WDR87: variants seen among roughly 807,000 people sequenced by gnomAD.
WDR87 encodes WD repeat-containing protein 87.
In WDR87, 56 loss-of-function variants were observed where a neutral mutation model predicts 83.3. That is an observed-to-expected ratio of 0.67 (90% CI 0.54 to 0.84). The LOEUF (loss-of-function observed/expected upper bound fraction) is 0.84, where lower values mean the gene tolerates loss of function less well. WDR87 is among the 40% of genes least tolerant of loss of function. The probability of loss-of-function intolerance (pLI) is 0.00; values close to 1 mark genes in which losing one functional copy is unlikely to be tolerated. For missense variants in WDR87, 2,939 were observed against 3,431.9 expected, an observed-to-expected ratio of 0.86 and a Z score of 3.59; for synonymous variants, 1,173 against 1,250.6, an observed-to-expected ratio of 0.94 and a Z score of 1.31.
chr19:37,887,364 C>T lies in WDR87; in HGVS notation c.6307G>A (p.Glu2103Lys), dbSNP rs2046158373. ...KASRKLIKKR[E>K]SLSKEPAKLN... ...TTTGCTGGTTCCTTGGAAAGGCTCT[C>T]CCTTTTTTTAATCAACTTCCTTGAA... Residue 2103 changes from glutamate to lysine, a missense_variant, in exon 6 of 6, where the codon GAG becomes AAG. Glu to Lys is a moderately conservative substitution (Grantham distance 56). Coordinates refer to ENST00000447313, the MANE Select transcript of WDR87 (RefSeq NM_001291088.2). 6.4e-7 allele frequency: 1 copy of T among 1,551,644 alleles called. No individual in the cohort carries two copies.
At position 37,888,703 on chromosome 19, in the gene WDR87, G is replaced by T; in HGVS notation, c.4968C>A (p.Ala1656=). ...RQLAQEERKL[A]QAYVKITQDD... is the part of the protein sequence containing the mutation. ...CCTGGGTTATTTTCACGTATGCCTG[G>T]GCCAGTTTTCTCTCTTCCTGGGCCA... Residue 1656 remains alanine (A), a synonymous_variant, in exon 6 of 6, where the codon GCC becomes GCA. Transcript: ENST00000447313. 6.4e-7 allele frequency: 1 copy of T among 1,551,516 alleles called. No individual in the cohort carries two copies. Among genetic ancestry groups the T allele is most frequent in the South Asian group, 1.2e-5 (1 of 83,978 alleles).
intron 4 of WDR87, among the ~76,000 whole-genome samples, 159 bp from the exon 5 acceptor site, chr19:37,891,979 C>G (rs550333922): frequency 6.6e-6 from 1 of 152,080 alleles, no homozygotes; most frequent in Non-Finnish European, 1.5e-5. Context: ...AAGAAACTAT[C>G]TAGGAAGCCA....
At chr19:37,903,781 C>T (rs190407548) in intron 1 of WDR87, among the ~76,000 whole-genome samples, 17 of 152,314 alleles carry the variant, frequency 1.1e-4, no homozygotes, top group African/African-American at 3.8e-4. Flanking sequence ...CCACTTGCCT[C>T]AGCCTCCCAA....
In WDR87 at chr19:37,892,629, C is replaced by T. The variant is rs2046215508; in HGVS notation, c.3074G>A (p.Arg1025Lys). 7 of 1,544,820 alleles carry T rather than the reference C, an allele frequency of 4.5e-6. No homozygotes were observed. The highest frequency in any genetic ancestry group is 6.1e-6 in the Non-Finnish European group (7 of 1,141,700). ...SLMAEIGIHS[R>K]TSLLQLTQKQ... ...TTGGGTCAGCTGTAAGAGTGAGGTC[C>T]TAGAGTGGATTCCAATCTCAGCCAT... Residue 1025 changes from arginine to lysine, a missense_variant, in exon 4 of 6, where the codon AGG (arginine) becomes AAG (lysine). By Grantham distance (26) the Arg-to-Lys change is conservative (BLOSUM62 2). Around this residue, in one of 3 missense-constraint regions of WDR87, gnomAD observed 2,160 missense variants for 2,533.1 expected, o/e 0.85. Transcript: ENST00000447313.
intron 2 of WDR87, 37 bp from the exon 3 acceptor site, chr19:37,896,345 C>T (rs372476888): frequency 4.2e-5 from 65 of 1,540,470 alleles, no homozygotes; most frequent in Non-Finnish European, 7.9e-6. Context: ...GAGGCCAGGG[C>T]ACAGAGGCAC....
At chr19:37,904,349 T>C (rs1470209665) in intron 1 of WDR87, among the ~76,000 whole-genome samples, 1 of 150,886 alleles carries the variant, frequency 6.6e-6, no homozygotes, top group African/African-American at 2.4e-5. Context: ...CTTTCTTTTG[T>C]GTGTGTGTGT....
intron 3 of WDR87, 100 bp from the exon 4 acceptor site, chr19:37,895,556 T>G: frequency 2.7e-6 from 3 of 1,102,606 alleles, no homozygotes; most frequent in Non-Finnish European, 3.8e-6. Context: ...TCACCTGAGG[T>G]CAGGAGTTCG....
chr19:37,890,941 CA>C (rs1374377124), intron 5 of WDR87, among the ~76,000 whole-genome samples: 1 of 152,118 alleles, frequency 6.6e-6, no homozygotes, highest in Non-Finnish European at 1.5e-5. Context: ...CTTATCTATA[CA>C]TTTTTTTAAA....
rs1021560529 is a variant in WDR87 at position 37,891,807 on chromosome 19, C to T, written c.3139G>A (p.Gly1047Arg). The T allele has an allele frequency of 1.6e-5, 25 of 1,551,804 alleles. No homozygotes were observed. The highest frequency in any genetic ancestry group is 7.8e-5 in the Admixed American group (4 of 50,960). ...AGTAGATGGTCCAGGGGTTCCTCCC[C>T]GATCATCTGCTGCCTATGAAAGTCA... is the stretch of plus-strand genomic sequence containing the variant. ...TFREMQQQMI[G>R]EEPLDHLLGM... The change falls in exon 5 of 6, where the codon GGG becomes AGG. Residue 1047 changes from glycine to arginine, a missense_variant. Transcript: ENST00000447313.
rs1200494071 is a variant in WDR87 at position 37,892,680 on chromosome 19, C to G, written c.3023G>C (p.Arg1008Thr). ...GAGGCTTAGGGTCTTGATCCTCACT[C>G]TTTCATCCTTGTCCATTAATCCTTG... ...LAQGLMDKDE[R>T]VRIKTLSLMA... The change falls in exon 4 of 6, where the codon AGA becomes ACA. Residue 1008 changes from arginine (R) to threonine (T), a missense_variant. Arg to Thr is a moderately conservative substitution (Grantham distance 71, BLOSUM62 -1). Coordinates refer to ENST00000447313, the MANE Select transcript of WDR87 (RefSeq NM_001291088.2). The G allele has an allele frequency of 2.4e-5, 37 of 1,551,850 alleles. No homozygotes were observed. The highest frequency in any genetic ancestry group is 2.7e-5 in the Non-Finnish European group (31 of 1,147,018).
At chr19:37,901,490 C>G (rs62112273) in intron 1 of WDR87, among the ~76,000 whole-genome samples, 8,259 of 152,124 alleles carry the variant, frequency 0.054, 258 homozygotes, top group East Asian at 0.11. Flanking sequence ...AGAGTTACCC[C>G]ACTGGCCCCT....
rs1003341073 is a variant in WDR87 at position 37,885,842 on chromosome 19, T to C, written c.7829A>G (p.Glu2610Gly). Residue 2610 changes from glutamate (E) to glycine (G), a missense_variant, in exon 6 of 6, where the codon GAA (glutamate) becomes GGA (glycine). Coordinates refer to ENST00000447313, the MANE Select transcript of WDR87 (RefSeq NM_001291088.2). Reference sequence around the variant, plus strand: ...CTGTCTGTGACGGTACACAATGGCTTCATGTTTGGCCAGATGCAGCCATTC... The same window carrying C: ...CTGTCTGTGACGGTACACAATGGCTCCATGTTTGGCCAGATGCAGCCATTC... ...NLEWLHLAKHEAIVYRHRQAL... is the reference protein window; with the variant it reads ...NLEWLHLAKHGAIVYRHRQAL... The C allele has an allele frequency of 1.5e-5, 23 of 1,551,820 alleles. No individual in the cohort carries two copies. The highest frequency in any genetic ancestry group is 2.0e-5 in the Non-Finnish European group (23 of 1,147,056).
chr19:37,896,760 A>G (rs1236470323), intron 2 of WDR87, among the ~76,000 whole-genome samples: 1 of 152,180 alleles, frequency 6.6e-6, no homozygotes, highest in Non-Finnish European at 1.5e-5. Context: ...CTGGGACTAC[A>G]GGCACATGCC....
At position 37,887,209 on chromosome 19, in the gene WDR87, C is replaced by A; in HGVS notation, c.6462G>T (p.Gln2154His). The change falls in exon 6 of 6, where the codon CAG becomes CAT. Residue 2154 changes from glutamine to histidine, a missense_variant. Physicochemically the swap from Gln to His is conservative, Grantham distance 24. Coordinates refer to ENST00000447313, the MANE Select transcript of WDR87 (RefSeq NM_001291088.2). Reference sequence around the variant, plus strand: ...CCCACTCTTTGATATCCAGCTTACTCTGTTCTATACTCAACCTGCGCTCCT... The same window carrying A: ...CCCACTCTTTGATATCCAGCTTACTATGTTCTATACTCAACCTGCGCTCCT... ...FVKERRLSIE[Q>H]SKLDIKEWDF... 1 of 1,551,884 alleles carries A rather than the reference C, an allele frequency of 6.4e-7. No individual in the cohort carries two copies. The highest frequency in any genetic ancestry group is 8.7e-7 in the Non-Finnish European group (1 of 1,147,058).
Position 37,886,480 on chromosome 19 carries a change from C to T in WDR87, c.7191G>A (p.Lys2397=). The T allele has an allele frequency of 6.6e-7, 1 of 1,517,602 alleles. No individual in the cohort carries two copies. Among genetic ancestry groups the T allele is most frequent in the Non-Finnish European group, 8.8e-7 (1 of 1,138,190 alleles). 94.0% of individuals were successfully genotyped at this position (1,517,602 alleles called of 1,614,324 possible). Residue 2397 remains lysine (K), a synonymous_variant, in exon 6 of 6, where the codon AAG becomes AAA. Coordinates refer to ENST00000447313, the MANE Select transcript of WDR87 (RefSeq NM_001291088.2). ...KQFKLQEQRR[K]SLRGRERVLS... ...GGACTCTTTCCCTTCCTCTTAGGCT[C>T]TTTCTTCTTTGTTCTTGTAACTTAA...
rs777415132 is a variant in WDR87 at position 37,892,665 on chromosome 19, G to A, written c.3038C>T (p.Thr1013Ile). 8 of 1,551,568 alleles carry A rather than the reference G, an allele frequency of 5.2e-6. No homozygotes were observed. Among genetic ancestry groups the A allele is most frequent in the South Asian group, 3.6e-5 (3 of 84,060 alleles). ...MDKDERVRIK[T>I]LSLMAEIGIH... Reference sequence around the variant, plus strand: ...TCCAATCTCAGCCATGAGGCTTAGGGTCTTGATCCTCACTCTTTCATCCTT... The same window carrying A: ...TCCAATCTCAGCCATGAGGCTTAGGATCTTGATCCTCACTCTTTCATCCTT... The change falls in exon 4 of 6, where the codon ACC (threonine) becomes ATC (isoleucine). Residue 1013 changes from threonine (T) to isoleucine (I), a missense_variant. By Grantham distance (89) the Thr-to-Ile change is moderately conservative. Transcript: ENST00000447313.
At position 37,887,842 on chromosome 19, in the gene WDR87, C is replaced by G. The variant is rs746542552; in HGVS notation, c.5829G>C (p.Lys1943Asn). 1 of 1,550,942 alleles carries G rather than the reference C, an allele frequency of 6.4e-7. No homozygotes were observed. Residue 1943 changes from lysine to asparagine, a missense_variant, in exon 6 of 6, where the codon AAG (lysine) becomes AAC (asparagine). Transcript: ENST00000447313. ...KLTQEKETVI[K>N]KKEKLAETEK... Reference sequence around the variant, plus strand: ...CTGTTTCAGCCAGTTTCTCCTTCTTCTTGATCACAGTCTCCTTTTCCTGTG... The same window carrying G: ...CTGTTTCAGCCAGTTTCTCCTTCTTGTTGATCACAGTCTCCTTTTCCTGTG...
chr19:37,890,529 T>C (rs1568451600), intron 5 of WDR87, among the ~76,000 whole-genome samples: 1 of 152,162 alleles, frequency 6.6e-6, no homozygotes, highest in Non-Finnish European at 1.5e-5. Flanking sequence ...TTTTTTTCAT[T>C]GCTTTCATAA....
At chr19:37,902,402 G>A (rs1002351537) in intron 1 of WDR87, among the ~76,000 whole-genome samples, 2 of 151,586 alleles carry the variant, frequency 1.3e-5, no homozygotes, top group Admixed American at 1.3e-4. Context: ...TTTTTTAGTA[G>A]AGATGGGGTT....
Sources: allele counts gnomAD v4.1 joint callset (sites outside exome capture counted in the v4.1 genomes callset), GRCh38; gene constraint gnomAD v4.1.1; regional missense constraint gnomAD v4.1.1; transcripts MANE v1.5; gene names NCBI Gene and HGNC (gene_info 2026-07-23, HGNC 2026-07-21).